MARCHF1: variants seen among roughly 807,000 people sequenced by gnomAD.
MARCHF1 encodes E3 ubiquitin-protein ligase MARCHF1.
In MARCHF1, 40 loss-of-function variants were observed where a neutral mutation model predicts 54.2. The ratio of observed to expected loss-of-function variants is 0.74; its 90% CI spans 0.57 to 0.96. The LOEUF (loss-of-function observed/expected upper bound fraction) is 0.96. Among genes scored for constraint, MARCHF1 ranks in the 40% least tolerant of loss-of-function variants. MARCHF1 has a pLI of 0.00. For synonymous variants in MARCHF1, 236 were observed against 236.3 expected (o/e 1.00, Z 0.01); for missense variants, 586 against 656.5 (o/e 0.89, Z 1.17).
chr4:163,594,759 A>ACACACACACACAC lies in MARCHF1; in HGVS notation c.1011-8831_1011-8830insGTGTGTGTGTGTG, dbSNP rs1560962635. ...TCAGAATGGCTATTATCAAAACACA[A>ACACACACACACAC]ACACACACACACACACACACACACA... On this transcript the variant is annotated intron_variant, in intron 7 of 9. Coordinates refer to ENST00000514618, the MANE Select transcript of MARCHF1 (RefSeq NM_001394959.1). 9.4e-4 allele frequency among the ~76,000 whole-genome samples: 62 copies of ACACACACACACAC among 65,696 alleles called. 1 individual carries two copies. Among genetic ancestry groups the ACACACACACACAC allele is most frequent in the African/African-American group, 2.4e-3 (58 of 24,620 alleles). 43.1% of individuals were successfully genotyped at this position (65,696 alleles called of 152,430 possible).
At chr4:163,808,991 C>G (rs921110263) in intron 4 of MARCHF1, among the ~76,000 whole-genome samples, 4 of 152,130 alleles carry the variant, frequency 2.6e-5, no homozygotes, top group Non-Finnish European at 5.9e-5. Context: ...ACGCCAGCAC[C>G]ACCTCTACCA....
intron 9 of MARCHF1, among the ~76,000 whole-genome samples, chr4:163,536,523 C>T (rs1210275652): frequency 1.3e-5 from 2 of 152,138 alleles, no homozygotes; most frequent in Non-Finnish European, 1.5e-5. Flanking sequence ...AGCATTTTTA[C>T]TGTGTCATGC....
At chr4:163,627,647 T>C (rs922779934) in intron 5 of MARCHF1, among the ~76,000 whole-genome samples, 3 of 151,758 alleles carry the variant, frequency 2.0e-5, no homozygotes, top group Non-Finnish European at 4.4e-5. Flanking sequence ...ATAAAGATGA[T>C]GACAAATGTT....
chr4:164,338,891 GA>G (rs1242794917), intron 1 of MARCHF1, among the ~76,000 whole-genome samples: 1 of 152,206 alleles, frequency 6.6e-6, no homozygotes, highest in East Asian at 1.9e-4. Flanking sequence ...AGAATCGCTT[GA>G]ACCTGGGAGG....
chr4:163,866,592 G>A (rs926714799), intron 3 of MARCHF1, among the ~76,000 whole-genome samples: 116 of 149,968 alleles, frequency 7.7e-4, no homozygotes, highest in African/African-American at 2.2e-3. Flanking sequence ...CTAGGTAACC[G>A]TTTACCCAGA....
chr4:164,251,261 A>G (rs1174959686), intron 1 of MARCHF1, among the ~76,000 whole-genome samples: 2 of 152,184 alleles, frequency 1.3e-5, no homozygotes, highest in East Asian at 1.9e-4. Context: ...TCAAAGGCAT[A>G]ATACCATTTT....
intron 2 of MARCHF1, among the ~76,000 whole-genome samples, chr4:164,093,519 G>T (rs1334882344): frequency 6.6e-6 from 1 of 152,058 alleles, no homozygotes; most frequent in Non-Finnish European, 1.5e-5. Context: ...ACTCTTCTGT[G>T]CTCTGTTACA....
At chr4:163,930,878 T>G (rs2111394368) in intron 3 of MARCHF1, among the ~76,000 whole-genome samples, 1 of 152,254 alleles carries the variant, frequency 6.6e-6, no homozygotes, top group South Asian at 2.1e-4. Flanking sequence ...GAAATAGGGA[T>G]GTAACATATT....
chr4:163,957,743 C>G (rs1037210183), intron 3 of MARCHF1, among the ~76,000 whole-genome samples: 1 of 151,974 alleles, frequency 6.6e-6, no homozygotes, highest in Non-Finnish European at 1.5e-5. Context: ...AACCTTTACA[C>G]CCAACTTTCA....
chr4:163,832,371 T>C (rs1749051543), intron 4 of MARCHF1, among the ~76,000 whole-genome samples: 1 of 152,158 alleles, frequency 6.6e-6, no homozygotes, highest in African/African-American at 2.4e-5. Flanking sequence ...GCTTCTATCG[T>C]TTGTATAATG....
At chr4:163,829,912 C>T (rs1193429229) in intron 4 of MARCHF1, among the ~76,000 whole-genome samples, 1 of 152,142 alleles carries the variant, frequency 6.6e-6, no homozygotes, top group African/African-American at 2.4e-5. Context: ...TGCCTGGCTT[C>T]CTAAGTTTCT....
chr4:163,566,331 G>C (rs1739645157), intron 8 of MARCHF1, among the ~76,000 whole-genome samples: 1 of 152,198 alleles, frequency 6.6e-6, no homozygotes, highest in East Asian at 1.9e-4. Flanking sequence ...CTGACTTGAA[G>C]ATTGTGGAAG....
In MARCHF1 at chr4:163,866,183, A is replaced by C. The variant is rs73868917; in HGVS notation, c.-38-12014T>G. Among the ~76,000 whole-genome samples the C allele has an allele frequency of 4.6e-3, 693 of 151,634 alleles. 3 individuals carry two copies. Among genetic ancestry groups the C allele is most frequent in the African/African-American group, 0.016 (668 of 41,478 alleles). On this transcript the variant is annotated intron_variant, in intron 3 of 9. Coordinates refer to ENST00000514618, the MANE Select transcript of MARCHF1 (RefSeq NM_001394959.1). ...ATCTTGAGCATGTTTTAATGCCTGA[A>C]CATCATTAGCCATTGGTATTCAACT... is the stretch of plus-strand genomic sequence containing the variant.
At chr4:164,245,138 A>G (rs1026288397) in intron 1 of MARCHF1, among the ~76,000 whole-genome samples, 43 of 152,258 alleles carry the variant, frequency 2.8e-4, no homozygotes, top group African/African-American at 9.6e-4. Flanking sequence ...TACCAAAGCC[A>G]GGCAGAGACA....
intron 1 of MARCHF1, among the ~76,000 whole-genome samples, chr4:164,363,726 G>A (rs1287672422): frequency 6.6e-6 from 1 of 151,772 alleles, no homozygotes; most frequent in Non-Finnish European, 1.5e-5. Context: ...CAATGTAAAT[G>A]CCCTGCATTG....
intron 1 of MARCHF1, among the ~76,000 whole-genome samples, chr4:164,181,095 T>C (rs186971068): frequency 6.6e-6 from 1 of 152,252 alleles, no homozygotes; most frequent in East Asian, 1.9e-4. Context: ...TCTTGCAAGC[T>C]CCCACAGTGT....
At chr4:164,309,561 A>G (rs1734792450) in intron 1 of MARCHF1, among the ~76,000 whole-genome samples, 1 of 152,192 alleles carries the variant, frequency 6.6e-6, no homozygotes, top group Admixed American at 6.5e-5. Context: ...TGGTGGCATC[A>G]TGATTTTTAT....
chr4:164,166,015 G>A (rs1174553756), intron 1 of MARCHF1, among the ~76,000 whole-genome samples: 5 of 151,922 alleles, frequency 3.3e-5, no homozygotes. Context: ...AGCAAATGAT[G>A]TAGCAACTCA....
chr4:163,592,858 T>G (rs1201796270), intron 7 of MARCHF1, among the ~76,000 whole-genome samples: 2 of 152,110 alleles, frequency 1.3e-5, no homozygotes, highest in Non-Finnish European at 2.9e-5. Flanking sequence ...CATGGGCTCT[T>G]GAAACACATT....
Sources: allele counts gnomAD v4.1 joint callset (sites outside exome capture counted in the v4.1 genomes callset), GRCh38; gene constraint gnomAD v4.1.1; transcripts MANE v1.5; gene names NCBI Gene and HGNC (gene_info 2026-07-23, HGNC 2026-07-21).